Variants in STK32B observed in about 807,000 individuals in gnomAD.
STK32B encodes the protein serine/threonine kinase 32B, also known as serine/threonine-protein kinase 32B.
In STK32B, 43 loss-of-function variants were observed where a neutral mutation model predicts 52.6. The ratio of observed to expected loss-of-function variants is 0.82; its 90% CI spans 0.64 to 1.05. The LOEUF (loss-of-function observed/expected upper bound fraction) is 1.05. STK32B is among the 50% of genes least tolerant of loss of function. STK32B has a pLI of 0.00. For synonymous variants in STK32B, 238 were observed against 204.3 expected (o/e 1.17, Z -1.41); for missense variants, 621 against 534.6 (o/e 1.16, Z -1.59).
intron 2 of STK32B, among the ~76,000 whole-genome samples, chr4:5,161,714 A>G (rs953834779): frequency 6.6e-6 from 1 of 152,194 alleles, no homozygotes; most frequent in Admixed American, 6.5e-5. Flanking sequence ...GGGAGAGTGC[A>G]TATTGGGTAG....
chr4:5,208,074 T>G (rs1722687567), intron 3 of STK32B, among the ~76,000 whole-genome samples: 1 of 152,110 alleles, frequency 6.6e-6, no homozygotes, highest in Non-Finnish European at 1.5e-5. Flanking sequence ...GAGGTCTCTT[T>G]CTTGTTGGAT....
At chr4:5,269,838 T>G (rs1306897201) in intron 3 of STK32B, among the ~76,000 whole-genome samples, 2 of 152,172 alleles carry the variant, frequency 1.3e-5, no homozygotes, top group African/African-American at 4.8e-5. Context: ...AACTGTAGAC[T>G]GATATTACTC....
At chr4:5,124,730 G>C (rs964998976) in intron 1 of STK32B, among the ~76,000 whole-genome samples, 1 of 152,174 alleles carries the variant, frequency 6.6e-6, no homozygotes, top group South Asian at 2.1e-4. Context: ...CTGTATGCAT[G>C]TGTGTATGTG....
intron 11 of STK32B, among the ~76,000 whole-genome samples, chr4:5,480,439 CAA>C (rs1718597226): frequency 6.6e-6 from 1 of 152,106 alleles, no homozygotes; most frequent in African/African-American, 2.4e-5. Context: ...CAGGACAACT[CAA>C]AGCAGGGTTG....
chr4:5,388,990 T>A (rs1203041575), intron 4 of STK32B, among the ~76,000 whole-genome samples: 4 of 152,162 alleles, frequency 2.6e-5, no homozygotes, highest in Non-Finnish European at 5.9e-5. Flanking sequence ...GTTTGTTCTT[T>A]GCAGGATTAA....
the STK32B span, among the ~76,000 whole-genome samples, chr4:5,024,882 C>T: frequency 9.4e-3 from 1,428 of 152,350 alleles, 10 homozygotes; most frequent in Middle Eastern, 0.017. Flanking sequence ...CGGCTTTACA[C>T]AACAGGCCCC....
chr4:5,219,731 C>T (rs1319296675), intron 3 of STK32B, among the ~76,000 whole-genome samples: 2 of 152,206 alleles, frequency 1.3e-5, no homozygotes, highest in Non-Finnish European at 2.9e-5. Flanking sequence ...AGCGGGGCTT[C>T]AGGAAGCAAC....
intron 8 of STK32B, among the ~76,000 whole-genome samples, chr4:5,458,202 G>C (rs775426683): frequency 2.6e-5 from 4 of 152,184 alleles, no homozygotes; most frequent in Non-Finnish European, 5.9e-5. Flanking sequence ...GTGCACTCCA[G>C]TCCGACATGG....
chr4:5,051,209 C>T (rs925261727), upstream of STK32B, among the ~76,000 whole-genome samples: 3 of 152,142 alleles, frequency 2.0e-5, no homozygotes, highest in Non-Finnish European at 4.4e-5. Context: ...CTCTAGACCT[C>T]CGTCTACTGC....
At chr4:5,224,711 T>C (rs1723755364) in intron 3 of STK32B, among the ~76,000 whole-genome samples, 1 of 151,990 alleles carries the variant, frequency 6.6e-6, no homozygotes, top group Admixed American at 6.6e-5. Flanking sequence ...ATTAATGACA[T>C]TAATTGTATC....
intron 3 of STK32B, among the ~76,000 whole-genome samples, chr4:5,178,543 C>G (rs117241199): frequency 6.6e-6 from 1 of 152,172 alleles, no homozygotes; most frequent in Non-Finnish European, 1.5e-5. Flanking sequence ...ATTTCTTCCC[C>G]GAAAATGGGT....
intron 3 of STK32B, among the ~76,000 whole-genome samples, chr4:5,253,430 A>G (rs977695745): frequency 6.6e-6 from 1 of 152,150 alleles, no homozygotes; most frequent in African/African-American, 2.4e-5. Context: ...ACTGGAGTGC[A>G]GTGGCACGAT....
At chr4:5,155,202 C>A (rs2108711653) in intron 2 of STK32B, among the ~76,000 whole-genome samples, 1 of 152,270 alleles carries the variant, frequency 6.6e-6, no homozygotes, top group South Asian at 2.1e-4. Context: ...CTCTGTGGCG[C>A]CTTCCCAGAA....
the STK32B span, among the ~76,000 whole-genome samples, chr4:5,045,665 G>A: frequency 1.3e-5 from 2 of 152,074 alleles, no homozygotes. Flanking sequence ...ACTCTTTGTA[G>A]CGATTGTGAA....
chr4:5,316,897 A>G (rs1577336128), intron 3 of STK32B, among the ~76,000 whole-genome samples: 1 of 16,770 alleles, frequency 6.0e-5, no homozygotes, highest in Non-Finnish European at 8.0e-5. Flanking sequence ...TATATTATAT[A>G]TAATATATAA....
rs754616928 is a variant in STK32B, at chr4:5,051,818, G to C, written c.-46G>C. 7.7e-6 allele frequency: 12 copies of C among 1,567,702 alleles called. No homozygotes were observed. Among genetic ancestry groups the C allele is most frequent in the Non-Finnish European group, 1.0e-5 (12 of 1,157,326 alleles). On this transcript the variant is annotated 5_prime_UTR_variant, in exon 1 of 12. Coordinates refer to ENST00000282908, the MANE Select transcript of STK32B (RefSeq NM_018401.3). ...TGCGCGCGTCCCACATCCCGCATCCGGCATCCCAGCGGCCGGGCATGTAGC... is the reference window on the plus strand; with the variant it reads ...TGCGCGCGTCCCACATCCCGCATCCCGCATCCCAGCGGCCGGGCATGTAGC...
intron 3 of STK32B, among the ~76,000 whole-genome samples, chr4:5,325,531 A>G (rs962080870): frequency 6.6e-6 from 1 of 151,998 alleles, no homozygotes; most frequent in Non-Finnish European, 1.5e-5. Flanking sequence ...TGTCTTCCTT[A>G]TTTTTAATTC....
At chr4:5,044,364 G>A in the STK32B span, among the ~76,000 whole-genome samples, 1 of 151,910 alleles carries the variant, frequency 6.6e-6, no homozygotes, top group South Asian at 2.1e-4. Flanking sequence ...ATCTGCCCAG[G>A]GACTGCTACA....
chr4:5,289,609 C>T (rs1728758831), intron 3 of STK32B, among the ~76,000 whole-genome samples: 1 of 151,834 alleles, frequency 6.6e-6, no homozygotes, highest in African/African-American at 2.4e-5. Context: ...AGCTCCACCT[C>T]CCGGGTTCAC....
Sources: gnomAD v4.1 joint callset for allele counts (sites outside exome capture counted in the v4.1 genomes callset) on GRCh38, gnomAD v4.1.1 for gene constraint, MANE v1.5 for transcripts, NCBI Gene and HGNC (gene_info 2026-07-23, HGNC 2026-07-21) for gene names.